The following CARF variants were observed in gnomAD, a reference collection of about 807,000 sequenced individuals.
The protein encoded by CARF is calcium responsive transcription factor.
In CARF, 57 loss-of-function variants were observed where a neutral mutation model predicts 82.0. That is an observed-to-expected ratio of 0.70 (90% confidence interval 0.56 to 0.87). CARF has a LOEUF of 0.87. CARF is among the 40% of genes least tolerant of loss of function. The pLI, the probability that CARF is intolerant of heterozygous loss-of-function variation, is 0.00. For synonymous variants in CARF, 268 were observed against 290.1 expected (o/e 0.92, Z 0.77); for missense variants, 771 against 855.8 (o/e 0.90, Z 1.24).
At chr2:202,981,983 G>T in intron 15 of CARF, 89 bp from the exon 16 acceptor site, 2 of 1,352,516 alleles carry the variant, frequency 1.5e-6, no homozygotes, top group South Asian at 1.3e-5. Flanking sequence ...TTATTTGTTC[G>T]GATTTTTTGT....
rs190302620 is a variant in CARF at position 202,929,757 on chromosome 2, T to C, written c.-44+5342T>C. 5.4e-3 allele frequency among the ~76,000 whole-genome samples: 822 copies of C among 152,136 alleles called. 8 individuals carry two copies. The highest frequency in any genetic ancestry group is 0.019 in the African/African-American group (783 of 41,490). On this transcript the variant is annotated intron_variant, in intron 3 of 16. Transcript: ENST00000438828. ...TGGGATTTCGGGGCTTTTGTTGTTG[T>C]TGTTGTTTTGTTTTTTTAAGAGATA...
At chr2:202,975,368 C>T (rs1048510838) in intron 13 of CARF, among the ~76,000 whole-genome samples, 2 of 152,034 alleles carry the variant, frequency 1.3e-5, no homozygotes, top group South Asian at 2.1e-4. Flanking sequence ...GGTGTGAACC[C>T]GGGAGGCGGA....
chr2:202,978,530 A>G (rs564348195), intron 14 of CARF, among the ~76,000 whole-genome samples: 3 of 152,348 alleles, frequency 2.0e-5, no homozygotes, highest in East Asian at 1.9e-4. Context: ...GGATAAGGAA[A>G]GGTTTCAAGA....
intron 3 of CARF, among the ~76,000 whole-genome samples, chr2:202,930,955 CT>C (rs1213685265): frequency 7.0e-6 from 1 of 142,956 alleles, no homozygotes; most frequent in Non-Finnish European, 1.5e-5. Context: ...TTCCTTATGA[CT>C]TTTTTTCTTT....
At chr2:202,914,949 C>CT (rs1011102548) in intron 1 of CARF, among the ~76,000 whole-genome samples, 12 of 151,332 alleles carry the variant, frequency 7.9e-5, no homozygotes, top group Admixed American at 2.0e-4. Flanking sequence ...TTAAAAAGTG[C>CT]TTTTTTTTAT....
intron 1 of CARF, among the ~76,000 whole-genome samples, 195 bp downstream of exon 1, chr2:202,913,297 T>C (rs1011661676): frequency 1.3e-5 from 2 of 152,250 alleles, no homozygotes; most frequent in Admixed American, 1.3e-4. Flanking sequence ...TTCAGTTTAC[T>C]CACCTTTGTA....
chr2:202,977,714 C>A (rs2060090413), intron 14 of CARF, among the ~76,000 whole-genome samples: 1 of 152,034 alleles, frequency 6.6e-6, no homozygotes, highest in South Asian at 2.1e-4. Context: ...AACTTATTTC[C>A]ACCCTTTTGC....
intron 4 of CARF, 24 bp downstream of exon 4, chr2:202,942,004 T>A (rs754861276): frequency 1.9e-6 from 3 of 1,585,934 alleles, no homozygotes; most frequent in Non-Finnish European, 2.6e-6. Flanking sequence ...TGGGAACCTT[T>A]TTCCATCCTA....
At chr2:202,957,031 C>G (rs2059083190) in intron 8 of CARF, among the ~76,000 whole-genome samples, 1 of 151,946 alleles carries the variant, frequency 6.6e-6, no homozygotes, top group Non-Finnish European at 1.5e-5. Flanking sequence ...TCAGGTGATC[C>G]TCCCGCCTCA....
Position 202,969,902 on chromosome 2 carries a change from C to T in CARF, c.954-17C>T, listed in dbSNP as rs780659169. On this transcript the variant is annotated splice_polypyrimidine_tract_variant and intron_variant, in intron 10 of 16. Coordinates refer to ENST00000438828, the MANE Select transcript of CARF (RefSeq NM_024744.17). ...TTATAATATAATGAAACAAATTCTT[C>T]TTTATCTTGTATAAAGGATTTACAT... 3.6e-6 allele frequency: 5 copies of T among 1,400,306 alleles called. No homozygotes were observed. Among genetic ancestry groups the T allele is most frequent in the Non-Finnish European group, 4.8e-6 (5 of 1,044,012 alleles). 86.7% of individuals were successfully genotyped at this position (1,400,306 alleles called of 1,614,324 possible).
intron 14 of CARF, among the ~76,000 whole-genome samples, chr2:202,981,024 C>T (rs1248357645): frequency 1.3e-5 from 2 of 151,990 alleles, no homozygotes; most frequent in Non-Finnish European, 1.5e-5. Flanking sequence ...GGAGGTTAAA[C>T]CTAGGAATCT....
In CARF at chr2:202,982,433, C is replaced by T; in HGVS notation, c.2051C>T (p.Ser684Leu). 1 of 1,613,898 alleles carries T rather than the reference C, an allele frequency of 6.2e-7. No homozygotes were observed. Among genetic ancestry groups the T allele is most frequent in the Non-Finnish European group, 8.5e-7 (1 of 1,179,960 alleles). Reference sequence around the variant, plus strand: ...CCAATACAGATTATAGACAACCACTCAGCTCTTAGTAAGTTGAAATCAATT... The same window carrying T: ...CCAATACAGATTATAGACAACCACTTAGCTCTTAGTAAGTTGAAATCAATT... Reference protein sequence around the residue: ...TIPIQIIDNHSALIEENPEST... With the variant: ...TIPIQIIDNHLALIEENPEST... The change falls in exon 16 of 17, where the codon TCA becomes TTA. Residue 684 changes from serine (S) to leucine (L), a missense_variant. Transcript: ENST00000438828.
At chr2:202,916,373 G>A (rs1201617902) in intron 1 of CARF, among the ~76,000 whole-genome samples, 1 of 151,888 alleles carries the variant, frequency 6.6e-6, no homozygotes, top group Admixed American at 6.6e-5. Flanking sequence ...AGTAGAGATG[G>A]GGTTTCACCA....
At chr2:202,942,524 A>G (rs1019006558) in intron 4 of CARF, 22 of 812,678 alleles carry the variant, frequency 2.7e-5, no homozygotes, top group Middle Eastern at 6.4e-4. Flanking sequence ...TTCAGGTTCC[A>G]TTCCTGTGGA....
chr2:202,928,010 G>A (rs1357351434), intron 3 of CARF, among the ~76,000 whole-genome samples: 1 of 151,978 alleles, frequency 6.6e-6, no homozygotes. Flanking sequence ...TCACTATGTT[G>A]TCCAGGTTGC....
intron 2 of CARF, 61 bp downstream of exon 2, chr2:202,918,104 T>G (rs1355295332): frequency 2.3e-6 from 1 of 426,904 alleles, no homozygotes; most frequent in East Asian, 7.2e-5. Flanking sequence ...CTATTATCTA[T>G]TACATGTTTA....
intron 3 of CARF, among the ~76,000 whole-genome samples, chr2:202,935,312 A>G (rs1018529203): frequency 8.2e-5 from 5 of 61,274 alleles, no homozygotes; most frequent in Non-Finnish European, 1.7e-4. Flanking sequence ...ATTTATATTT[A>G]TATTTGTATA....
chr2:202,983,045 T>C (rs995867145), intron 16 of CARF, among the ~76,000 whole-genome samples: 7 of 151,904 alleles, frequency 4.6e-5, no homozygotes, highest in Non-Finnish European at 1.0e-4. Flanking sequence ...GCCACCATAC[T>C]GGGCAAATTC....
At chr2:202,936,523 A>C (rs945505832) in intron 3 of CARF, among the ~76,000 whole-genome samples, 1 of 152,194 alleles carries the variant, frequency 6.6e-6, no homozygotes. Context: ...AGAATCATAT[A>C]ATATGTGACC....
Sources: allele counts gnomAD v4.1 joint callset (sites outside exome capture counted in the v4.1 genomes callset), GRCh38; gene constraint gnomAD v4.1.1; transcripts MANE v1.5; gene names NCBI Gene and HGNC (gene_info 2026-07-23, HGNC 2026-07-21).